The following IQGAP2 variants were observed in gnomAD, a reference collection of about 807,000 sequenced individuals.
The protein encoded by IQGAP2 is ras GTPase-activating-like protein IQGAP2.
A neutral mutation model predicts 201.3 loss-of-function variants in IQGAP2; 173 were observed. The ratio of observed to expected loss-of-function variants is 0.86; its 90% CI spans 0.76 to 0.98. The LOEUF is 0.98. IQGAP2 is among the 50% of genes least tolerant of loss of function. The probability of loss-of-function intolerance (pLI) is 0.00; values close to 1 mark genes in which losing one functional copy is unlikely to be tolerated. For missense variants in IQGAP2, 1,687 were observed against 1,864.8 expected (o/e 0.90, Z 1.76); for synonymous variants, 675 against 673.9 (o/e 1.00, Z -0.03).
At chr5:76,507,742 T>A (rs1205742915) in intron 2 of IQGAP2, among the ~76,000 whole-genome samples, 1 of 152,210 alleles carries the variant, frequency 6.6e-6, no homozygotes, top group Non-Finnish European at 1.5e-5. Context: ...CCAGGCACGG[T>A]GGCTCACGCC....
At position 76,570,446 on chromosome 5, in the gene IQGAP2, T is replaced by C. The variant is rs573044760; in HGVS notation, c.304-134T>C. On this transcript the variant is annotated intron_variant, in intron 3 of 35. Coordinates refer to ENST00000274364, the MANE Select transcript of IQGAP2 (RefSeq NM_006633.5). ...TCCTTTAGCACGCCTCTGTTTGCTTTATGTGAACATTAATAACTCTGTTCC... is the reference window on the plus strand; with the variant it reads ...TCCTTTAGCACGCCTCTGTTTGCTTCATGTGAACATTAATAACTCTGTTCC... 7 of 670,100 alleles carry C rather than the reference T, an allele frequency of 1.0e-5. No individual in the cohort carries two copies. In the South Asian group the frequency reaches 1.3e-4, roughly 12 times the overall value. The allele number at this position is 670,100 out of a possible 1,614,324, so 41.5% of individuals were successfully genotyped here.
At chr5:76,434,018 T>C (rs971503339) in intron 1 of IQGAP2, among the ~76,000 whole-genome samples, 2 of 152,188 alleles carry the variant, frequency 1.3e-5, no homozygotes, top group Non-Finnish European at 2.9e-5. Flanking sequence ...TTCGTTACTT[T>C]CTTTTAGAAT....
In IQGAP2 at chr5:76,698,160, C is replaced by T; in HGVS notation, c.4367+13C>T. 2 of 1,539,152 alleles carry T rather than the reference C, an allele frequency of 1.3e-6. No individual in the cohort carries two copies. Among genetic ancestry groups the T allele is most frequent in the Non-Finnish European group, 8.9e-7 (1 of 1,119,274 alleles). Reference sequence around the variant, plus strand: ...ACTTAAAAAGAAAGTAAGTTAAAATCATGTCATGTTCATTTGTAATGTCAT... The same window carrying T: ...ACTTAAAAAGAAAGTAAGTTAAAATTATGTCATGTTCATTTGTAATGTCAT... On this transcript the variant is annotated intron_variant, in intron 33 of 35. Transcript: ENST00000274364.
chr5:76,610,076 CTATATATATA>C (rs869050901), intron 12 of IQGAP2, among the ~76,000 whole-genome samples: 637 of 18,622 alleles, frequency 0.034, 22 homozygotes, highest in Middle Eastern at 0.083. Context: ...CTCTCTCTCT[CTATATATATA>C]TATATATATA....
intron 2 of IQGAP2, among the ~76,000 whole-genome samples, chr5:76,484,556 T>C (rs1207308252): frequency 6.6e-6 from 1 of 152,160 alleles, no homozygotes; most frequent in East Asian, 1.9e-4. Flanking sequence ...TATGAAGCAC[T>C]TTTCCTTTAA....
At chr5:76,561,658 T>G (rs1240205975) in intron 2 of IQGAP2, among the ~76,000 whole-genome samples, 1 of 152,212 alleles carries the variant, frequency 6.6e-6, no homozygotes, top group Non-Finnish European at 1.5e-5. Flanking sequence ...TTGTGACATG[T>G]GAACTGGCCT....
chr5:76,591,865 T>C (rs1447109331), intron 8 of IQGAP2, among the ~76,000 whole-genome samples: 2 of 152,218 alleles, frequency 1.3e-5, no homozygotes, highest in Non-Finnish European at 2.9e-5. Flanking sequence ...TACCCCATTA[T>C]ATCAGAAGAG....
intron 5 of IQGAP2, among the ~76,000 whole-genome samples, chr5:76,586,845 C>T (rs1351982629): frequency 1.3e-5 from 2 of 152,184 alleles, no homozygotes; most frequent in African/African-American, 2.4e-5. Context: ...ATCTGGAAGC[C>T]ACCATTCTTG....
chr5:76,655,951 C>G (rs543818426), intron 20 of IQGAP2, among the ~76,000 whole-genome samples: 8 of 152,256 alleles, frequency 5.3e-5, no homozygotes, highest in Non-Finnish European at 1.2e-4. Context: ...GATAAATTTA[C>G]TAGTACTTAC....
intron 7 of IQGAP2, among the ~76,000 whole-genome samples, 188 bp downstream of exon 7, chr5:76,589,916 T>C (rs1396483042): frequency 6.6e-6 from 1 of 152,254 alleles, no homozygotes; most frequent in East Asian, 1.9e-4. Flanking sequence ...TTTTGGTCTT[T>C]AGACTTCTAC....
intron 2 of IQGAP2, among the ~76,000 whole-genome samples, chr5:76,529,362 G>T (rs1192193679): frequency 2.0e-5 from 3 of 152,136 alleles, no homozygotes; most frequent in Admixed American, 6.5e-5. Context: ...GGGCGCAGTG[G>T]CTCATGCCTG....
intron 2 of IQGAP2, among the ~76,000 whole-genome samples, chr5:76,463,190 A>G (rs1580248169): frequency 6.6e-6 from 1 of 152,014 alleles, no homozygotes; most frequent in South Asian, 2.1e-4. Context: ...CTTTCAGTGA[A>G]TAAGTTCAAG....
At chr5:76,605,097 C>A (rs1233910617) in intron 11 of IQGAP2, among the ~76,000 whole-genome samples, 1 of 152,104 alleles carries the variant, frequency 6.6e-6, no homozygotes, top group Non-Finnish European at 1.5e-5. Flanking sequence ...ACTAAACTAT[C>A]TAGTTTTATT....
chr5:76,702,981 C>T (rs10942791), intron 35 of IQGAP2, among the ~76,000 whole-genome samples: 1,741 of 55,932 alleles, frequency 0.031, 87 homozygotes, highest in Middle Eastern at 0.061. Flanking sequence ...TTTTCCCTCT[C>T]TCCTAGAATG....
chr5:76,452,702 C>T (rs1289720595), intron 1 of IQGAP2, among the ~76,000 whole-genome samples: 1 of 152,164 alleles, frequency 6.6e-6, no homozygotes, highest in African/African-American at 2.4e-5. Context: ...CTAATGGCTG[C>T]TGATGTCATC....
chr5:76,529,814 T>C (rs1344951957), intron 2 of IQGAP2, among the ~76,000 whole-genome samples: 1 of 152,124 alleles, frequency 6.6e-6, no homozygotes, highest in African/African-American at 2.4e-5. Context: ...GAATTATGTA[T>C]TTATCAGGGG....
chr5:76,446,399 A>G (rs973898150), intron 1 of IQGAP2, among the ~76,000 whole-genome samples: 19 of 152,156 alleles, frequency 1.2e-4, no homozygotes, highest in African/African-American at 4.6e-4. Context: ...GGAGGAATTT[A>G]TTAACCAGCA....
intron 15 of IQGAP2, among the ~76,000 whole-genome samples, chr5:76,636,337 T>G (rs1039348026): frequency 6.6e-6 from 1 of 152,296 alleles, no homozygotes; most frequent in African/African-American, 2.4e-5. Flanking sequence ...GCCCATGGAT[T>G]CATGAGGAGG....
rs1561518620 is a variant in IQGAP2 at position 76,619,514 on chromosome 5, C to CCTTT, written c.1522-7896_1522-7895insCTTT. On this transcript the variant is annotated intron_variant, in intron 13 of 35. Transcript: ENST00000274364. ...CAGATCTAACTTAGTTAAGGATCTT[C>CCTTT]TTTTTTTTTTTTTTTTTTTTTTGAG... 1.2e-4 allele frequency among the ~76,000 whole-genome samples: 13 copies of CCTTT among 104,262 alleles called. 1 individual carries two copies. Among genetic ancestry groups the CCTTT allele is most frequent in the Non-Finnish European group, 7.6e-5 (4 of 52,744 alleles). The allele number at this position is 104,262 out of a possible 152,430, so 68.4% of individuals were successfully genotyped here. A position where few individuals can be genotyped will look rare whatever the true frequency, so the allele number is the denominator to read the frequency against.
Sources: gnomAD v4.1 joint callset for allele counts (sites outside exome capture counted in the v4.1 genomes callset) on GRCh38, gnomAD v4.1.1 for gene constraint, MANE v1.5 for transcripts, NCBI Gene and HGNC (gene_info 2026-07-23, HGNC 2026-07-21) for gene names.